HTR2C: variants seen among roughly 807,000 people sequenced by gnomAD.
HTR2C encodes the protein 5-hydroxytryptamine (serotonin) receptor 2C, G protein-coupled.
In HTR2C, 5 loss-of-function variants were observed where a neutral mutation model predicts 21.0. That is an observed-to-expected ratio of 0.24 (90% CI 0.12 to 0.50). HTR2C has a LOEUF of 0.50. Among genes scored for constraint, HTR2C ranks in the 20% least tolerant of loss-of-function variants. The pLI, the probability that HTR2C is intolerant of heterozygous loss-of-function variation, is 0.98. For synonymous variants in HTR2C, 150 were observed against 145.3 expected (o/e 1.03, Z -0.23); for missense variants, 271 against 371.2 (o/e 0.73, Z 2.22).
intron 4 of HTR2C, among the ~76,000 whole-genome samples, chrX:114,841,565 C>A (rs1013957454): frequency 3.6e-5 from 4 of 110,735 alleles, no homozygotes; most frequent in Non-Finnish European, 5.7e-5. Context: ...CAAGGTGAAA[C>A]CCTGTCTCTA....
intron 1 of HTR2C, among the ~76,000 whole-genome samples, chrX:114,585,000 T>G (rs1927332594): frequency 9.8e-6 from 1 of 102,368 alleles, no homozygotes; most frequent in African/African-American, 3.6e-5. Context: ...TCTCAAGAAG[T>G]GAGGAGTGGG....
intron 5 of HTR2C, among the ~76,000 whole-genome samples, chrX:114,881,286 C>T (rs782527765): frequency 1.8e-5 from 2 of 110,750 alleles, no homozygotes; most frequent in Non-Finnish European, 3.8e-5. Flanking sequence ...AAATTATTGT[C>T]TCCCATTATT....
rs375130531 is a variant in HTR2C at position 114,845,761 on chromosome X, G to C, written c.350-2242G>C. Among the ~76,000 whole-genome samples the C allele has an allele frequency of 1.6e-3, 172 of 109,332 alleles. 1 individual carries two copies. Among genetic ancestry groups the C allele is most frequent in the African/African-American group, 4.7e-3 (141 of 30,080 alleles). 94.9% of individuals were successfully genotyped at this position (109,332 alleles called of 115,157 possible). A position where few individuals can be genotyped will look rare whatever the true frequency, so the allele number is the denominator to read the frequency against. On this transcript the variant is annotated intron_variant, in intron 4 of 5. Coordinates refer to ENST00000276198, the MANE Select transcript of HTR2C (RefSeq NM_000868.4). ...GTGGTATCTCATGCCTGTAATCCTC[G>C]CACCTTGGGAGGCCAAGGTGGGAGG...
chrX:114,690,500 T>C (rs782167488), intron 2 of HTR2C, among the ~76,000 whole-genome samples: 1 of 111,868 alleles, frequency 8.9e-6, no homozygotes, highest in Admixed American at 9.6e-5. Flanking sequence ...TCTCTCATTT[T>C]TCATTCAACT....
chrX:114,776,076 G>T, intron 4 of HTR2C: 1 of 458,642 alleles, frequency 2.2e-6, no homozygotes, highest in Non-Finnish European at 3.8e-6. Context: ...CTGACAATTC[G>T]GTTGTCAAAG....
intron 2 of HTR2C, among the ~76,000 whole-genome samples, chrX:114,621,069 C>T (rs782732631): frequency 4.5e-5 from 5 of 111,425 alleles, no homozygotes; most frequent in Non-Finnish European, 9.4e-5. Flanking sequence ...TTAGTAGAGA[C>T]GAGGTTTCAC....
chrX:114,677,620 A>G (rs1931605222), intron 2 of HTR2C, among the ~76,000 whole-genome samples: 1 of 111,609 alleles, frequency 9.0e-6, no homozygotes, highest in South Asian at 3.7e-4. Context: ...TTGAAACAAC[A>G]TAAGACTTGA....
At chrX:114,605,838 A>G (rs900220838) in intron 1 of HTR2C, among the ~76,000 whole-genome samples, 26 of 105,622 alleles carry the variant, frequency 2.5e-4, no homozygotes, top group African/African-American at 8.7e-4. Context: ...AAAGGGGTTC[A>G]GGGGTTCTTA....
At chrX:114,659,166 G>A (rs1286395952) in intron 2 of HTR2C, among the ~76,000 whole-genome samples, 6 of 111,077 alleles carry the variant, frequency 5.4e-5, no homozygotes, top group African/African-American at 2.0e-4. Context: ...TCACTATCAC[G>A]AGAACAGCAA....
At chrX:114,695,839 G>A (rs1257389538) in intron 2 of HTR2C, among the ~76,000 whole-genome samples, 1 of 111,447 alleles carries the variant, frequency 9.0e-6, no homozygotes, top group Non-Finnish European at 1.9e-5. Flanking sequence ...TTATTATGGG[G>A]TCATTTATCC....
chrX:114,881,553 C>T (rs1365484999), intron 5 of HTR2C, among the ~76,000 whole-genome samples: 3 of 108,165 alleles, frequency 2.8e-5, no homozygotes, highest in African/African-American at 1.0e-4. Flanking sequence ...TATTGTTTAG[C>T]ATGTTGGTAT....
chrX:114,805,847 A>G (rs1556448928), intron 4 of HTR2C, among the ~76,000 whole-genome samples: 3 of 9,150 alleles, frequency 3.3e-4, no homozygotes, highest in African/African-American at 5.9e-4. Context: ...TATATACCAT[A>G]TATATACCAT....
intron 5 of HTR2C, among the ~76,000 whole-genome samples, chrX:114,861,505 A>T (rs2071006011): frequency 9.0e-6 from 1 of 111,404 alleles, no homozygotes; most frequent in African/African-American, 3.2e-5. Flanking sequence ...ACATATCTTT[A>T]CAATGTGACG....
chrX:114,683,836 T>A (rs781907169), intron 2 of HTR2C, among the ~76,000 whole-genome samples: 40 of 111,772 alleles, frequency 3.6e-4, no homozygotes, highest in African/African-American at 1.2e-3. Flanking sequence ...AAGAATCATT[T>A]AGGAATTTCA....
chrX:114,607,992 A>C (rs782571771), intron 1 of HTR2C, among the ~76,000 whole-genome samples: 1 of 111,584 alleles, frequency 9.0e-6, no homozygotes, highest in African/African-American at 3.3e-5. Context: ...ACCTCAAAAA[A>C]AACAAAATCT....
chrX:114,649,803 T>C (rs1293519882), intron 2 of HTR2C, among the ~76,000 whole-genome samples: 1 of 110,213 alleles, frequency 9.1e-6, no homozygotes, highest in African/African-American at 3.3e-5. Flanking sequence ...TTAGTAGAGA[T>C]GGGGTTTCAC....
intron 4 of HTR2C, chrX:114,763,369 A>G (rs782309597): frequency 2.5e-5 from 3 of 118,850 alleles, no homozygotes; most frequent in African/African-American, 9.7e-5. Flanking sequence ...GGTGTGCTGC[A>G]TTTGCGTCAG....
At chrX:114,604,012 T>G (rs2147796923) in intron 1 of HTR2C, among the ~76,000 whole-genome samples, 1 of 105,815 alleles carries the variant, frequency 9.5e-6, no homozygotes, top group Non-Finnish European at 1.9e-5. Flanking sequence ...TAACAGGCTT[T>G]AATCTTTTTA....
At chrX:114,766,385 A>C (rs2069948055) in intron 4 of HTR2C, among the ~76,000 whole-genome samples, 1 of 111,645 alleles carries the variant, frequency 9.0e-6, no homozygotes, top group Non-Finnish European at 1.9e-5. Flanking sequence ...AAGAGATCAT[A>C]GATGAAAAAC....
Sources: allele counts gnomAD v4.1 joint callset (sites outside exome capture counted in the v4.1 genomes callset), GRCh38; gene constraint gnomAD v4.1.1; transcripts MANE v1.5; gene names NCBI Gene and HGNC (gene_info 2026-07-23, HGNC 2026-07-21).